Variants in LOC400499 observed in about 807,000 individuals in gnomAD.
the LOC400499 span, among the ~76,000 whole-genome samples, chr16:11,510,778 A>G: frequency 6.6e-6 from 1 of 151,584 alleles, no homozygotes; most frequent in Non-Finnish European, 1.5e-5. Flanking sequence ...AAACCTAAGG[A>G]GAATTCTCCC....
At chr16:11,499,043 C>T in the LOC400499 span, among the ~76,000 whole-genome samples, 13 of 93,554 alleles carry the variant, frequency 1.4e-4, no homozygotes, top group African/African-American at 5.3e-4. Context: ...TACAAATAAA[C>T]GAGTGAAAGG....
chr16:11,489,975 C>T, the LOC400499 span, among the ~76,000 whole-genome samples: 1 of 152,206 alleles, frequency 6.6e-6, no homozygotes, highest in Non-Finnish European at 1.5e-5. Flanking sequence ...AGCCTAAAGG[C>T]CTATCAGTGG....
At chr16:11,514,821 G>A in the LOC400499 span, among the ~76,000 whole-genome samples, 1 of 152,198 alleles carries the variant, frequency 6.6e-6, no homozygotes, top group Admixed American at 6.5e-5. Flanking sequence ...CCCAGGAGAG[G>A]AATGACAAAG....
At chr16:11,416,478 C>G in the LOC400499 span, among the ~76,000 whole-genome samples, 1 of 152,294 alleles carries the variant, frequency 6.6e-6, no homozygotes, top group East Asian at 1.9e-4. Context: ...GCATTCCTAA[C>G]CCTATCTCAT....
chr16:11,389,685 CAAAAA>C, the LOC400499 span, among the ~76,000 whole-genome samples: 47 of 59,060 alleles, frequency 8.0e-4, 1 homozygote, highest in Admixed American at 2.7e-3. Context: ...AACTCCATCT[CAAAAA>C]AAAAAAAAAA....
chr16:11,443,354 A>T, the LOC400499 span: 10 of 354,860 alleles, frequency 2.8e-5, no homozygotes, highest in Non-Finnish European at 4.6e-5. Flanking sequence ...AAAAAAAAAA[A>T]AAAATGATCG....
chr16:11,395,126 G>C, the LOC400499 span, among the ~76,000 whole-genome samples: 221 of 152,302 alleles, frequency 1.5e-3, no homozygotes, highest in Middle Eastern at 3.4e-3. Flanking sequence ...CACGGAGTTG[G>C]CCCTGGATGG....
At chr16:11,448,519 CAAACAAACAAACAA>C in the LOC400499 span, among the ~76,000 whole-genome samples, 1 of 108 alleles carries the variant, frequency 9.3e-3, no homozygotes, top group Non-Finnish European at 0.017. Flanking sequence ...TCTGCTAAAA[CAAACAAACAAACAA>C]ACAAACAAAC....
chr16:11,395,693 T>C, the LOC400499 span, among the ~76,000 whole-genome samples: 1 of 152,322 alleles, frequency 6.6e-6, no homozygotes, highest in East Asian at 1.9e-4. Context: ...GGAGATGGTA[T>C]TTGTTCCCAT....
At chr16:11,519,596 A>AT in the LOC400499 span, among the ~76,000 whole-genome samples, 1 of 151,938 alleles carries the variant, frequency 6.6e-6, no homozygotes, top group Non-Finnish European at 1.5e-5. Context: ...ATAAACAATA[A>AT]TTTTTTTAAA....
the LOC400499 span, among the ~76,000 whole-genome samples, chr16:11,426,872 G>C: frequency 8.2e-5 from 12 of 146,520 alleles, no homozygotes; most frequent in East Asian, 2.4e-3. Context: ...ACTTCAGTCT[G>C]GGCGACAGAA....
the LOC400499 span, among the ~76,000 whole-genome samples, chr16:11,445,316 G>A: frequency 1.3e-5 from 2 of 151,992 alleles, no homozygotes; most frequent in Admixed American, 6.6e-5. Flanking sequence ...AGCTACCTGG[G>A]AGGCTGAGGC....
At chr16:11,489,672 A>T in the LOC400499 span, among the ~76,000 whole-genome samples, 1 of 152,114 alleles carries the variant, frequency 6.6e-6, no homozygotes, top group Non-Finnish European at 1.5e-5. Flanking sequence ...ATCAGGTGGT[A>T]CCCCAGGGCC....
At chr16:11,435,860 C>G in the LOC400499 span, 2 of 399,202 alleles carry the variant, frequency 5.0e-6, no homozygotes, top group Non-Finnish European at 8.8e-6. Flanking sequence ...CACTCTGTAG[C>G]GCCCGGCAGC....
At chr16:11,400,257 C>G in the LOC400499 span, among the ~76,000 whole-genome samples, 1 of 152,026 alleles carries the variant, frequency 6.6e-6, no homozygotes, top group Non-Finnish European at 1.5e-5. Flanking sequence ...AAGCACCCGG[C>G]TCATTCCCAC....
chr16:11,412,087 G>A, the LOC400499 span, among the ~76,000 whole-genome samples: 3 of 152,046 alleles, frequency 2.0e-5, no homozygotes, highest in African/African-American at 7.3e-5. Context: ...TTGGCCTCGA[G>A]CTTCTGGGCT....
At chr16:11,447,045 A>T in the LOC400499 span, 4 of 1,052,732 alleles carry the variant, frequency 3.8e-6, no homozygotes, top group East Asian at 1.0e-4. Context: ...AGAAGAGAAC[A>T]TCAGGACACC....
the LOC400499 span, chr16:11,385,517 G>T: frequency 1.3e-6 from 1 of 799,684 alleles, no homozygotes; most frequent in Non-Finnish European, 1.7e-6. Context: ...TAGAGCTTTG[G>T]CTTAGCCTGC....
chr16:11,377,481 T>G, the LOC400499 span, among the ~76,000 whole-genome samples: 1 of 152,236 alleles, frequency 6.6e-6, no homozygotes, highest in African/African-American at 2.4e-5. Context: ...TATGTTGAGG[T>G]CATTTCTATT....
Sources: gnomAD v4.1 joint callset for allele counts (sites outside exome capture counted in the v4.1 genomes callset) on GRCh38, gnomAD v4.1.1 for gene constraint, MANE v1.5 for transcripts.